Variants in HSPA12A observed in about 807,000 individuals in gnomAD.
HSPA12A encodes the protein heat shock protein family A (Hsp70) member 12A.
A neutral mutation model predicts 69.2 loss-of-function variants in HSPA12A; 28 were observed. That is an observed-to-expected ratio of 0.40 (90% CI 0.30 to 0.55). The LOEUF is 0.55. Ranked by LOEUF, HSPA12A falls within the 20% of genes least tolerant of loss-of-function variation. The pLI, the probability that HSPA12A is intolerant of heterozygous loss-of-function variation, is 0.38. For missense variants in HSPA12A, 686 were observed against 900.7 expected, an observed-to-expected ratio of 0.76 and a Z score of 3.05; for synonymous variants, 345 against 370.5, an observed-to-expected ratio of 0.93 and a Z score of 0.79.
At chr10:116,820,428 C>G (rs541942128) in intron 2 of HSPA12A, among the ~76,000 whole-genome samples, 1 of 152,140 alleles carries the variant, frequency 6.6e-6, no homozygotes, top group African/African-American at 2.4e-5. Flanking sequence ...TGGGAGGAAG[C>G]CAGGAGTGTT....
chr10:116,751,310 T>C (rs73387132), intron 2 of HSPA12A: 3,424 of 166,468 alleles, frequency 0.021, 130 homozygotes, highest in African/African-American at 0.077. Flanking sequence ...ATAAAGACAA[T>C]GAACTTATGG....
At chr10:116,808,938 C>T (rs1029723919) in intron 2 of HSPA12A, among the ~76,000 whole-genome samples, 1 of 152,160 alleles carries the variant, frequency 6.6e-6, no homozygotes, top group African/African-American at 2.4e-5. Context: ...GTATCACGCC[C>T]CCAGTGGCTA....
At chr10:116,690,102 G>T (rs1554879987) in intron 6 of HSPA12A, among the ~76,000 whole-genome samples, 1 of 152,198 alleles carries the variant, frequency 6.6e-6, no homozygotes, top group Non-Finnish European at 1.5e-5. Context: ...ATGGGGGATG[G>T]AGAGAGAGTA....
At chr10:116,767,241 G>A (rs369669014) in intron 2 of HSPA12A, among the ~76,000 whole-genome samples, 1 of 152,182 alleles carries the variant, frequency 6.6e-6, no homozygotes, top group Admixed American at 6.5e-5. Flanking sequence ...GAGGACAAGA[G>A]CCTGGGCCAC....
At chr10:116,707,067 G>T (rs960575753) in intron 2 of HSPA12A, 133 bp downstream of exon 2, 90 of 706,062 alleles carry the variant, frequency 1.3e-4, no homozygotes, top group Non-Finnish European at 1.8e-4. Flanking sequence ...TGAATGTGAG[G>T]GGCTGTCCAG....
intron 2 of HSPA12A, among the ~76,000 whole-genome samples, chr10:116,765,981 T>C (rs1006624087): frequency 5.3e-5 from 8 of 152,244 alleles, no homozygotes; most frequent in Non-Finnish European, 1.2e-4. Context: ...CTGCAGCCGC[T>C]TGTGGCTCCA....
Position 116,703,713 on chromosome 10 carries a change from T to C in HSPA12A, c.254+1438A>G, listed in dbSNP as rs565945326. Among the ~76,000 whole-genome samples, 4 of 152,128 alleles carry C rather than the reference T, an allele frequency of 2.6e-5. No homozygotes were observed. In the South Asian group the frequency reaches 8.3e-4, roughly 32 times the overall value. On this transcript the variant is annotated intron_variant, in intron 3 of 11. Transcript: ENST00000369209. Reference sequence around the variant, plus strand: ...TCTGGGCTTCCAAAGATTCGAGGAGTCATACCCTGCAAGAAGATCATGGAT... The same window carrying C: ...TCTGGGCTTCCAAAGATTCGAGGAGCCATACCCTGCAAGAAGATCATGGAT...
intron 2 of HSPA12A, among the ~76,000 whole-genome samples, chr10:116,827,201 TAAGGTTAA>T (rs1207782088): frequency 2.0e-5 from 3 of 152,204 alleles, no homozygotes; most frequent in Non-Finnish European, 4.4e-5. Flanking sequence ...CACAATATCC[TAAGGTTAA>T]AAAAGGGACA....
At chr10:116,742,663 C>CGG, upstream of HSPA12A, 1 of 948,642 alleles carries the variant, frequency 1.1e-6, no homozygotes, top group East Asian at 1.0e-4. Context: ...CGCCCCGCCC[C>CGG]TCCGAGCTCG....
At chr10:116,715,327 T>C (rs1554883652) in intron 1 of HSPA12A, among the ~76,000 whole-genome samples, 1 of 152,238 alleles carries the variant, frequency 6.6e-6, no homozygotes, top group Non-Finnish European at 1.5e-5. Flanking sequence ...ATGCAGTGGA[T>C]GGACCTTTAG....
intron 2 of HSPA12A, among the ~76,000 whole-genome samples, chr10:116,796,107 C>T (rs1401416047): frequency 1.4e-5 from 2 of 140,358 alleles, no homozygotes; most frequent in Admixed American, 1.5e-4. Flanking sequence ...AAGATCCCGC[C>T]ACTGCACTCC....
At position 116,705,261 on chromosome 10, in the gene HSPA12A, G is replaced by A. The variant is rs782011441; in HGVS notation, c.144C>T (p.Asn48=). The part of the protein sequence containing the change: ...PSHIVNDTDS[N]VSEQQSFLVV... ...CGAGAAATGACTGCTGTTCTGAGAC[G>A]TTGGAGTCAGTGTCGTTCTGCAGAT... The change falls in exon 3 of 12, where the codon AAC becomes AAT. Residue 48 remains asparagine (N), a synonymous_variant. Transcript: ENST00000369209. 1.1e-5 allele frequency: 17 copies of A among 1,614,194 alleles called. 1 individual carries two copies. The highest frequency in any genetic ancestry group is 9.9e-5 in the South Asian group (9 of 91,082).
At chr10:116,758,167 G>C (rs1843891500) in intron 2 of HSPA12A, among the ~76,000 whole-genome samples, 1 of 152,126 alleles carries the variant, frequency 6.6e-6, no homozygotes, top group Admixed American at 6.5e-5. Flanking sequence ...TTAATGCTAG[G>C]TACCTAACAG....
At chr10:116,742,388 G>C (rs1851541333) in intron 1 of HSPA12A, 42 bp downstream of exon 1, 2 of 1,427,026 alleles carry the variant, frequency 1.4e-6, no homozygotes, top group East Asian at 3.2e-5. Context: ...CTCCCTCCCT[G>C]CCCCGCCAGC....
chr10:116,714,082 A>T (rs12784789), intron 1 of HSPA12A, among the ~76,000 whole-genome samples: 39,423 of 150,064 alleles, frequency 0.26, 5,779 homozygotes, highest in Middle Eastern at 0.44. Flanking sequence ...TGGGTGGGTG[A>T]GTGGATGGAT....
At chr10:116,698,467 AC>A (rs1422522041) in intron 5 of HSPA12A, 167 bp downstream of exon 5, 3 of 483,942 alleles carry the variant, frequency 6.2e-6, no homozygotes, top group African/African-American at 3.8e-5. Flanking sequence ...TTACTTTCCC[AC>A]CAGCAGCGTG....
At chr10:116,696,698 A>G (rs1294169403) in intron 5 of HSPA12A, among the ~76,000 whole-genome samples, 1 of 152,120 alleles carries the variant, frequency 6.6e-6, no homozygotes, top group Non-Finnish European at 1.5e-5. Context: ...TTAACCAAGA[A>G]AAAGTTCCTT....
At chr10:116,841,598 G>A (rs1484443346) in intron 1 of HSPA12A, among the ~76,000 whole-genome samples, 1 of 151,976 alleles carries the variant, frequency 6.6e-6, no homozygotes, top group East Asian at 1.9e-4. Context: ...AAATAATTGT[G>A]GAAGTACATA....
chr10:116,836,543 GCAA>G (rs1845714041), intron 1 of HSPA12A, among the ~76,000 whole-genome samples: 1 of 152,102 alleles, frequency 6.6e-6, no homozygotes, highest in Admixed American at 6.5e-5. Flanking sequence ...ACATTGCTCT[GCAA>G]CAACTACTAC....
Sources: gnomAD v4.1 joint callset for allele counts (sites outside exome capture counted in the v4.1 genomes callset) on GRCh38, gnomAD v4.1.1 for gene constraint, MANE v1.5 for transcripts, NCBI Gene and HGNC (gene_info 2026-07-23, HGNC 2026-07-21) for gene names.